CNTN6: variants seen among roughly 807,000 people sequenced by gnomAD.
CNTN6 encodes the protein contactin-6.
A neutral mutation model predicts 122.8 loss-of-function variants in CNTN6; 137 were observed. The observed-to-expected ratio is 1.12, with a 90% confidence interval of 0.97 to 1.29. CNTN6 has a LOEUF of 1.29. Among genes scored for constraint, CNTN6 ranks in the 50% most tolerant of loss-of-function variants. The pLI, the probability that CNTN6 is intolerant of heterozygous loss-of-function variation, is 0.00. For missense variants in CNTN6, 1,634 were observed against 1,223.4 expected (o/e 1.34, Z -5.01); for synonymous variants, 570 against 426.0 (o/e 1.34, Z -4.16).
At chr3:1,401,224 AGTCT>A (rs979163747) in intron 20 of CNTN6, 2 of 480,044 alleles carry the variant, frequency 4.2e-6, no homozygotes, top group Admixed American at 8.0e-5. Context: ...TTAATTCATA[AGTCT>A]GTCACAAAGG....
intron 4 of CNTN6, among the ~76,000 whole-genome samples, chr3:1,255,524 T>A (rs1225437534): frequency 6.6e-6 from 1 of 152,118 alleles, no homozygotes; most frequent in Non-Finnish European, 1.5e-5. Context: ...GACCATATTA[T>A]GCTGGCATTA....
intron 1 of CNTN6, among the ~76,000 whole-genome samples, chr3:1,095,247 C>T (rs6766048): frequency 0.069 from 10,433 of 151,846 alleles, 1,176 homozygotes; most frequent in African/African-American, 0.24. Flanking sequence ...CCGAGGCGGG[C>T]GGATCACGAG....
At chr3:1,156,595 T>C (rs930270427) in intron 2 of CNTN6, among the ~76,000 whole-genome samples, 1 of 148,836 alleles carries the variant, frequency 6.7e-6, no homozygotes, top group Non-Finnish European at 1.5e-5. Context: ...TCTCAGACTT[T>C]CTTTCTTTCT....
At chr3:1,282,319 G>T (rs1693607312) in intron 5 of CNTN6, among the ~76,000 whole-genome samples, 1 of 152,158 alleles carries the variant, frequency 6.6e-6, no homozygotes. Context: ...AGAAAGGAAG[G>T]GTTTTACACG....
chr3:1,186,719 C>A (rs2093632165), intron 2 of CNTN6, among the ~76,000 whole-genome samples: 1 of 151,980 alleles, frequency 6.6e-6, no homozygotes, highest in South Asian at 2.1e-4. Context: ...TGGCTGGAGA[C>A]CTTTTACAGT....
intron 20 of CNTN6, among the ~76,000 whole-genome samples, chr3:1,396,348 T>A (rs1392257992): frequency 6.6e-6 from 1 of 152,172 alleles, no homozygotes; most frequent in African/African-American, 2.4e-5. Context: ...TCCCCTTTAA[T>A]GTATTTGCGT....
At chr3:1,242,210 A>T (rs1334858172) in intron 4 of CNTN6, among the ~76,000 whole-genome samples, 2 of 152,120 alleles carry the variant, frequency 1.3e-5, no homozygotes, top group African/African-American at 4.8e-5. Context: ...GCTGAGCCTA[A>T]TGGGTGTCAG....
intron 2 of CNTN6, among the ~76,000 whole-genome samples, chr3:1,212,076 G>GA (rs2094046716): frequency 6.6e-6 from 1 of 152,092 alleles, no homozygotes; most frequent in African/African-American, 2.4e-5. Context: ...ATTGCAGTCA[G>GA]ATCATGGAAT....
intron 2 of CNTN6, among the ~76,000 whole-genome samples, chr3:1,149,324 C>T (rs528808226): frequency 1.3e-5 from 2 of 152,196 alleles, no homozygotes; most frequent in South Asian, 2.1e-4. Flanking sequence ...TTCTTCCCCC[C>T]GACTATGTGT....
chr3:1,326,674 A>G (rs1173586262), intron 9 of CNTN6, among the ~76,000 whole-genome samples: 1 of 151,892 alleles, frequency 6.6e-6, no homozygotes, highest in African/African-American at 2.4e-5. Context: ...TCTCCATTTT[A>G]CTTTGCACAT....
At chr3:1,364,139 A>G (rs1649472492) in intron 12 of CNTN6, among the ~76,000 whole-genome samples, 1 of 151,994 alleles carries the variant, frequency 6.6e-6, no homozygotes, top group Non-Finnish European at 1.5e-5. Context: ...AGCAACGGAA[A>G]GGACTAATAT....
Position 1,274,428 on chromosome 3 carries a change from G to A in CNTN6, c.359-3985G>A, listed in dbSNP as rs560390866. Among the ~76,000 whole-genome samples the A allele has an allele frequency of 1.1e-4, 16 of 152,314 alleles. No individual in the cohort carries two copies. In the East Asian group the frequency reaches 3.1e-3, roughly 29 times the overall value. ...TAATGACTGCTGATTGAGAGCAGGT[G>A]GAGAACGGGAAGGGGGTGTAGTTGA... On this transcript the variant is annotated intron_variant, in intron 4 of 22. Coordinates refer to ENST00000446702, the MANE Select transcript of CNTN6 (RefSeq NM_001289080.2).
chr3:1,308,326 C>T (rs1698696844), intron 7 of CNTN6, among the ~76,000 whole-genome samples: 1 of 93,136 alleles, frequency 1.1e-5, no homozygotes, highest in African/African-American at 3.3e-5. Context: ...TGTGTGTGCA[C>T]CTGTTAGCAC....
chr3:1,324,099 A>C (rs1225920164), intron 8 of CNTN6, among the ~76,000 whole-genome samples: 1 of 149,576 alleles, frequency 6.7e-6, no homozygotes, highest in African/African-American at 2.5e-5. Context: ...CAATAGATCT[A>C]GTTCTTCTAA....
At chr3:1,252,602 C>CA (rs1014391867) in intron 4 of CNTN6, among the ~76,000 whole-genome samples, 1 of 152,006 alleles carries the variant, frequency 6.6e-6, no homozygotes, top group Non-Finnish European at 1.5e-5. Flanking sequence ...GATATTTTAA[C>CA]AAAAATAATA....
intron 2 of CNTN6, among the ~76,000 whole-genome samples, chr3:1,188,740 A>G (rs6442271): frequency 0.15 from 23,193 of 152,304 alleles, 3,819 homozygotes; most frequent in African/African-American, 0.41. Flanking sequence ...ATAGGAAAAG[A>G]GAACTTGGCT....
chr3:1,278,673 C>T (rs538332167), intron 5 of CNTN6, among the ~76,000 whole-genome samples, 165 bp downstream of exon 5: 39 of 152,278 alleles, frequency 2.6e-4, no homozygotes, highest in African/African-American at 8.9e-4. Context: ...TAAACATTTT[C>T]TTTTAAAAAT....
intron 11 of CNTN6, among the ~76,000 whole-genome samples, chr3:1,348,914 A>G (rs1472152849): frequency 6.6e-6 from 1 of 152,054 alleles, no homozygotes; most frequent in African/African-American, 2.4e-5. Context: ...CCAGCTCCCT[A>G]TAATATGTCA....
At position 1,173,189 on chromosome 3, in the gene CNTN6, T is replaced by C. The variant is rs539623535; in HGVS notation, c.55+25126T>C. ...GAGGACATTTTGAAGGATCACTCTA[T>C]TTGTTTCATCCTAGAAAAGTTTATA... On this transcript the variant is annotated intron_variant, in intron 2 of 22. Coordinates refer to ENST00000446702, the MANE Select transcript of CNTN6 (RefSeq NM_001289080.2). 16 of 456,480 alleles carry C rather than the reference T, an allele frequency of 3.5e-5. No individual in the cohort carries two copies. The East Asian group carries it at 1.0e-3, about 30-fold the overall frequency. The allele number at this position is 456,480 out of a possible 1,614,324, so 28.3% of individuals were successfully genotyped here.
Sources: gnomAD v4.1 joint callset for allele counts (sites outside exome capture counted in the v4.1 genomes callset) on GRCh38, gnomAD v4.1.1 for gene constraint, MANE v1.5 for transcripts, NCBI Gene and HGNC (gene_info 2026-07-23, HGNC 2026-07-21) for gene names.